ANKRD36: variants seen among roughly 807,000 people sequenced by gnomAD.
ANKRD36 encodes ankyrin repeat domain-containing protein 36A.
Under a neutral mutation model 278.1 loss-of-function variants are expected in ANKRD36, and 179 were observed. The observed-to-expected ratio is 0.64, with a 90% CI of 0.57 to 0.73. The LOEUF (loss-of-function observed/expected upper bound fraction) is 0.73. ANKRD36 is among the 30% of genes least tolerant of loss of function. The probability of loss-of-function intolerance (pLI) is 0.00; values close to 1 mark genes in which losing one functional copy is unlikely to be tolerated. For missense variants in ANKRD36, 1,159 were observed against 1,956.7 expected (o/e 0.59, Z 7.69); for synonymous variants, 320 against 641.1 (o/e 0.50, Z 7.57).
At chr2:97,211,824 C>T (rs1323178974) in intron 58 of ANKRD36, 83 bp downstream of exon 58, 89 of 1,427,444 alleles carry the variant, frequency 6.2e-5, no homozygotes, top group Admixed American at 1.7e-4. Flanking sequence ...GCGGGGGGTT[C>T]GTCAAGCCTT....
In ANKRD36 at chr2:97,259,059, G is replaced by A. The variant is rs1412165086; in HGVS notation, c.*7-5270G>A. ...CCATAGGCATTTGTTATTCTTTTTT[G>A]TTGTTGTTTTTCCCCGATGGAATCA... On this transcript the variant is annotated intron_variant, in intron 75 of 75. Transcript: ENST00000420699. Among the ~76,000 whole-genome samples the A allele has an allele frequency of 4.2e-5, 6 of 141,808 alleles. 2 individuals carry two copies. In the East Asian group the frequency reaches 1.8e-3, roughly 42 times the overall value. 93.0% of individuals were successfully genotyped at this position (141,808 alleles called of 152,430 possible).
At chr2:97,149,582 G>GA (rs772818052) in intron 12 of ANKRD36, among the ~76,000 whole-genome samples, 16,959 of 145,986 alleles carry the variant, frequency 0.12, 602 homozygotes, top group Middle Eastern at 0.2. Context: ...GGTGTGATCT[G>GA]AAAAAAAATT....
chr2:97,213,336 T>C (rs1448040205), intron 58 of ANKRD36, 83 bp from the exon 59 acceptor site: 59 of 395,562 alleles, frequency 1.5e-4, no homozygotes, highest in Middle Eastern at 7.1e-4. Flanking sequence ...GGAAGATACA[T>C]CTTGATGCCA....
chr2:97,196,664 G>A, intron 41 of ANKRD36, 43 bp downstream of exon 41: 1 of 1,598,214 alleles, frequency 6.3e-7, no homozygotes, highest in South Asian at 1.1e-5. Flanking sequence ...TTAATGTATG[G>A]TCTATGAAAC....
chr2:97,219,026 T>C (rs4328671), intron 64 of ANKRD36, 24 bp from the exon 65 acceptor site: 391,203 of 1,487,374 alleles, frequency 0.26, 65,159 homozygotes, highest in South Asian at 0.65. Context: ...ATATGATTGA[T>C]TATATATTTC....
Position 97,219,642 on chromosome 2 carries a change from C to T in ANKRD36, c.3877+396C>T, listed in dbSNP as rs1324169280. 1.3e-4 allele frequency among the ~76,000 whole-genome samples: 19 copies of T among 143,658 alleles called. No individual in the cohort carries two copies. The South Asian group carries it at 2.4e-3, about 18-fold the overall frequency. The allele number at this position is 143,658 out of a possible 152,430, so 94.2% of individuals were successfully genotyped here. On this transcript the variant is annotated intron_variant, in intron 66 of 75. Transcript: ENST00000420699. The stretch of plus-strand genomic sequence containing the variant: ...GATTACAGGTATGCCCCACCATGCC[C>T]GGCTAATTTTGTATTTTTAGTAGAG...
At chr2:97,177,904 G>A (rs1481789929) in intron 22 of ANKRD36, among the ~76,000 whole-genome samples, 3 of 151,030 alleles carry the variant, frequency 2.0e-5, no homozygotes, top group African/African-American at 7.3e-5. Context: ...TACAAAATGG[G>A]AGAAAATTTT....
chr2:97,148,324 C>T (rs2044875906), intron 11 of ANKRD36, among the ~76,000 whole-genome samples: 1 of 152,394 alleles, frequency 6.6e-6, no homozygotes, highest in African/African-American at 2.4e-5. Flanking sequence ...ATAGAGAGCT[C>T]CTACTCTCAA....
intron 11 of ANKRD36, among the ~76,000 whole-genome samples, chr2:97,146,801 T>C (rs201661028): frequency 6.6e-6 from 1 of 151,548 alleles, no homozygotes. Flanking sequence ...GGCTCTCTAA[T>C]CACTTCATTT....
chr2:97,187,494 G>GGGGGGGGGGGGGC lies in ANKRD36; in HGVS notation c.2143+93_2143+94insGGGGGGGGGGGGC. 2.0e-4 allele frequency: 19 copies of GGGGGGGGGGGGGC among 95,514 alleles called. 1 individual carries two copies. Among genetic ancestry groups the GGGGGGGGGGGGGC allele is most frequent in the Non-Finnish European group, 3.0e-4 (14 of 46,578 alleles). 5.9% of individuals were successfully genotyped at this position (95,514 alleles called of 1,614,324 possible). ...AAATCAGCGGAGGGCGGGTGGGGGG[G>GGGGGGGGGGGGGC]CTCGCCGAAGCTGCACATTCTGATC... is the stretch of plus-strand genomic sequence containing the variant. On this transcript the variant is annotated intron_variant, in intron 32 of 75. Coordinates refer to ENST00000420699, the MANE Select transcript of ANKRD36 (RefSeq NM_001354587.1).
chr2:97,120,527 A>G (rs1297192353), intron 3 of ANKRD36, among the ~76,000 whole-genome samples: 1 of 150,760 alleles, frequency 6.6e-6, no homozygotes, highest in Non-Finnish European at 1.5e-5. Context: ...TATTTTAATA[A>G]TTTAGTTGCA....
intron 6 of ANKRD36, among the ~76,000 whole-genome samples, chr2:97,128,195 G>T (rs1311186821): frequency 2.0e-5 from 3 of 151,104 alleles, no homozygotes; most frequent in East Asian, 3.9e-4. Flanking sequence ...GACGTAGAAT[G>T]ATGTTATTAT....
intron 6 of ANKRD36, among the ~76,000 whole-genome samples, chr2:97,137,303 C>T (rs1444066305): frequency 6.6e-6 from 1 of 151,844 alleles, no homozygotes; most frequent in Non-Finnish European, 1.5e-5. Flanking sequence ...TGTGCCACCA[C>T]ACTCAGCTAC....
intron 56 of ANKRD36, among the ~76,000 whole-genome samples, chr2:97,211,229 T>C (rs2064469036): frequency 6.6e-6 from 1 of 152,054 alleles, no homozygotes; most frequent in East Asian, 2.0e-4. Flanking sequence ...GGTGTATGAG[T>C]TGCTCCTCTG....
intron 6 of ANKRD36, among the ~76,000 whole-genome samples, chr2:97,133,368 G>C (rs1239117957): frequency 6.6e-6 from 1 of 151,974 alleles, no homozygotes; most frequent in African/African-American, 2.4e-5. Flanking sequence ...TCTCTATACA[G>C]AAGTTACTAT....
chr2:97,217,490 A>T, intron 64 of ANKRD36, 118 bp downstream of exon 64: 1 of 1,420,604 alleles, frequency 7.0e-7, no homozygotes, highest in Non-Finnish European at 9.5e-7. Flanking sequence ...AGCAGGCCTG[A>T]GATTGTGCAT....
intron 46 of ANKRD36, among the ~76,000 whole-genome samples, chr2:97,200,893 C>T (rs1420773870): frequency 6.6e-6 from 1 of 151,868 alleles, no homozygotes; most frequent in Non-Finnish European, 1.5e-5. Flanking sequence ...TAAAAACAGA[C>T]AGAAAACTGT....
intron 6 of ANKRD36, among the ~76,000 whole-genome samples, chr2:97,127,737 C>T (rs1431172331): frequency 1.3e-5 from 2 of 151,898 alleles, no homozygotes; most frequent in Non-Finnish European, 2.9e-5. Flanking sequence ...TTCACCCACC[C>T]ATGGTAAAAT....
At chr2:97,169,891 C>T (rs2051901628) in intron 22 of ANKRD36, among the ~76,000 whole-genome samples, 1 of 151,990 alleles carries the variant, frequency 6.6e-6, no homozygotes, top group South Asian at 2.1e-4. Flanking sequence ...TATAGACTAC[C>T]ATTGACTTTC....
Sources: gnomAD v4.1 joint callset for allele counts (sites outside exome capture counted in the v4.1 genomes callset) on GRCh38, gnomAD v4.1.1 for gene constraint, MANE v1.5 for transcripts, NCBI Gene and HGNC (gene_info 2026-07-23, HGNC 2026-07-21) for gene names.